The following COL11A1 variants were observed in gnomAD, a reference collection of about 807,000 sequenced individuals.
COL11A1 encodes collagen alpha-1(XI) chain.
In COL11A1, 74 loss-of-function variants were observed where a neutral mutation model predicts 265.2. The ratio of observed to expected loss-of-function variants is 0.28; its 90% CI spans 0.23 to 0.34. The LOEUF (loss-of-function observed/expected upper bound fraction) is 0.34, where lower values mean the gene tolerates loss of function less well. COL11A1 is among the 10% of genes least tolerant of loss of function. The pLI, the probability that COL11A1 is intolerant of heterozygous loss-of-function variation, is 1.00. For missense variants in COL11A1, 2,165 were observed against 2,263.6 expected, an observed-to-expected ratio of 0.96 and a Z score of 0.88; for synonymous variants, 816 against 727.6, an observed-to-expected ratio of 1.12 and a Z score of -1.96.
chr1:103,012,399 T>A lies in COL11A1; in HGVS notation c.1629+14A>T. 1 of 1,609,406 alleles carries A rather than the reference T, an allele frequency of 6.2e-7. No individual in the cohort carries two copies. The highest frequency in any genetic ancestry group is 2.2e-5 in the East Asian group (1 of 44,820). On this transcript the variant is annotated intron_variant, in intron 14 of 66. Transcript: ENST00000370096. ...AAAATTTTAACATATATTATCTTTG[T>A]TGGGGTAACCTACCACAGGACCTGG...
chr1:102,912,092 C>T (rs909369552), intron 54 of COL11A1, 67 bp downstream of exon 54: 1 of 1,295,386 alleles, frequency 7.7e-7, no homozygotes. Context: ...AGCTTACACA[C>T]ATTATATAAA....
chr1:103,043,688 C>A (rs1669017810), intron 4 of COL11A1, among the ~76,000 whole-genome samples: 1 of 151,936 alleles, frequency 6.6e-6, no homozygotes, highest in Non-Finnish European at 1.5e-5. Context: ...AAAGTATATA[C>A]AAATATAAGA....
At chr1:102,895,518 AATTGAAGCC>A (rs1277445719) in intron 57 of COL11A1, among the ~76,000 whole-genome samples, 1 of 152,142 alleles carries the variant, frequency 6.6e-6, no homozygotes, top group Non-Finnish European at 1.5e-5. Flanking sequence ...ATGATAAGCA[AATTGAAGCC>A]TGTGTAGATT....
chr1:102,987,720 G>A lies in COL11A1; in HGVS notation c.2415C>T (p.Gly805=), dbSNP rs1663716591. The change falls in exon 30 of 67, where the codon GGC becomes GGT. Residue 805 remains glycine (G), a synonymous_variant. Coordinates refer to ENST00000370096, the MANE Select transcript of COL11A1 (RefSeq NM_001854.4). Reference sequence around the variant, plus strand: ...CTTCAGGGCCATCTTCCCCTCTTGGGCCAATTTGACCAACTTCTCCCTGAG... The same window carrying A: ...CTTCAGGGCCATCTTCCCCTCTTGGACCAATTTGACCAACTTCTCCCTGAG... ...KGDRGEVGQI[G]PRGEDGPEGP... The A allele has an allele frequency of 6.2e-7, 1 of 1,613,360 alleles. No homozygotes were observed. The highest frequency in any genetic ancestry group is 1.3e-5 in the African/African-American group (1 of 74,944).
At chr1:103,020,765 T>C (rs957622523) in intron 9 of COL11A1, among the ~76,000 whole-genome samples, 4 of 126,938 alleles carry the variant, frequency 3.2e-5, no homozygotes, top group African/African-American at 1.2e-4. Flanking sequence ...TTGATTTTTG[T>C]ATAAGGTGTA....
chr1:102,976,967 GT>G (rs1348169874), intron 35 of COL11A1, among the ~76,000 whole-genome samples: 1 of 152,044 alleles, frequency 6.6e-6, no homozygotes, highest in Non-Finnish European at 1.5e-5. Flanking sequence ...CATTTAATTT[GT>G]AGAATACTTT....
chr1:103,091,270 T>A (rs2102368353), intron 1 of COL11A1, among the ~76,000 whole-genome samples: 1 of 152,174 alleles, frequency 6.6e-6, no homozygotes, highest in South Asian at 2.1e-4. Flanking sequence ...ATATTCCACA[T>A]ACCAACCATG....
chr1:102,921,549 G>A lies in COL11A1; in HGVS notation c.3677C>T (p.Pro1226Leu). Reference sequence around the variant, plus strand: ...TCCATTGGGACCTTGAGGGCCTCTTGGGCCTGGAGGACCAGGTGGCCCCTG... The same window carrying A: ...TCCATTGGGACCTTGAGGGCCTCTTAGGCCTGGAGGACCAGGTGGCCCCTG... ...GPMGPPGPPG[P>L]RGPQGPNGAD... The change falls in exon 48 of 67, where the codon CCA becomes CTA. Residue 1226 changes from proline (P) to leucine (L), a missense_variant. Physicochemically the swap from Pro to Leu is moderately conservative, Grantham distance 98. Coordinates refer to ENST00000370096, the MANE Select transcript of COL11A1 (RefSeq NM_001854.4). The A allele has an allele frequency of 1.2e-6, 2 of 1,613,098 alleles. No homozygotes were observed. The highest frequency in any genetic ancestry group is 1.7e-5 in the Admixed American group (1 of 59,842).
At chr1:103,073,913 C>T (rs1279095925) in intron 4 of COL11A1, among the ~76,000 whole-genome samples, 1 of 151,926 alleles carries the variant, frequency 6.6e-6, no homozygotes, top group East Asian at 1.9e-4. Flanking sequence ...TTTGTTACAC[C>T]TTGACAAAGA....
chr1:102,930,510 A>T (rs1190830375), intron 46 of COL11A1, among the ~76,000 whole-genome samples: 2 of 151,758 alleles, frequency 1.3e-5, no homozygotes, highest in East Asian at 1.9e-4. Context: ...TTTATTGAGG[A>T]TTTTTGCATC....
At chr1:102,906,393 G>A (rs1187517561) in intron 54 of COL11A1, among the ~76,000 whole-genome samples, 1 of 152,044 alleles carries the variant, frequency 6.6e-6, no homozygotes, top group Non-Finnish European at 1.5e-5. Flanking sequence ...AGTAATTTGG[G>A]CTTCAATTTT....
intron 4 of COL11A1, among the ~76,000 whole-genome samples, chr1:103,041,559 T>C (rs577353515): frequency 6.6e-6 from 1 of 151,980 alleles, no homozygotes; most frequent in Non-Finnish European, 1.5e-5. Flanking sequence ...CAATCCTCTA[T>C]AACAATGAAT....
chr1:102,906,623 G>A (rs1654015593), intron 54 of COL11A1, among the ~76,000 whole-genome samples: 1 of 152,012 alleles, frequency 6.6e-6, no homozygotes, highest in Non-Finnish European at 1.5e-5. Flanking sequence ...TTGTCTCAAA[G>A]TCCTGGGCTT....
intron 4 of COL11A1, among the ~76,000 whole-genome samples, chr1:103,071,407 A>G (rs1479296649): frequency 2.1e-5 from 3 of 145,334 alleles, no homozygotes; most frequent in Admixed American, 1.4e-4. Context: ...TTTTCCTCAC[A>G]TCTTTGAATC....
chr1:103,096,016 G>A (rs139718594), intron 1 of COL11A1, among the ~76,000 whole-genome samples: 15 of 152,144 alleles, frequency 9.9e-5, no homozygotes, highest in African/African-American at 3.6e-4. Flanking sequence ...AATGTTCAGG[G>A]AGACTGGATT....
Position 103,025,626 on chromosome 1 carries a change from T to C in COL11A1, c.898-13A>G. The stretch of plus-strand genomic sequence containing the variant: ...CAACGATGTTTGCCTAATGGTAAAT[T>C]CAGAAGAGAATTAGTAAACATGTAA... On this transcript the variant is annotated splice_polypyrimidine_tract_variant and intron_variant, in intron 6 of 66. Coordinates refer to ENST00000370096, the MANE Select transcript of COL11A1 (RefSeq NM_001854.4). The C allele has an allele frequency of 6.2e-7, 1 of 1,609,200 alleles. No individual in the cohort carries two copies. Among genetic ancestry groups the C allele is most frequent in the Admixed American group, 1.7e-5 (1 of 59,996 alleles).
At chr1:103,088,446 T>C (rs773800040) in intron 1 of COL11A1, among the ~76,000 whole-genome samples, 31 of 152,210 alleles carry the variant, frequency 2.0e-4, no homozygotes, top group Non-Finnish European at 4.3e-4. Flanking sequence ...TAGACCTCCT[T>C]GCTGCCTATT....
chr1:103,004,313 G>T, intron 20 of COL11A1, 131 bp downstream of exon 20: 1 of 675,198 alleles, frequency 1.5e-6, no homozygotes, highest in Non-Finnish European at 2.6e-6. Context: ...TTTTCGCATG[G>T]CAATTATCTG....
chr1:103,068,163 C>T (rs1671297048), intron 4 of COL11A1, among the ~76,000 whole-genome samples: 1 of 151,498 alleles, frequency 6.6e-6, no homozygotes, highest in Admixed American at 6.6e-5. Context: ...GACTAGTATT[C>T]CTCATTAATA....
Sources: gnomAD v4.1 joint callset for allele counts (sites outside exome capture counted in the v4.1 genomes callset) on GRCh38, gnomAD v4.1.1 for gene constraint, MANE v1.5 for transcripts, NCBI Gene and HGNC (gene_info 2026-07-23, HGNC 2026-07-21) for gene names.